BRMS1L: variants seen among roughly 807,000 people sequenced by gnomAD.
BRMS1L encodes BRMS1 like transcriptional repressor.
Under a neutral mutation model 50.3 loss-of-function variants are expected in BRMS1L, and 23 were observed. That is an observed-to-expected ratio of 0.46 (90% CI 0.33 to 0.65). The LOEUF is 0.65. Among genes scored for constraint, BRMS1L ranks in the 30% least tolerant of loss-of-function variants. BRMS1L has a pLI of 0.02. For missense variants in BRMS1L, 286 were observed against 386.1 expected (o/e 0.74, Z 2.17); for synonymous variants, 114 against 126.9 (o/e 0.90, Z 0.69).
intron 4 of BRMS1L, among the ~76,000 whole-genome samples, chr14:35,852,991 T>TATCTACCTATCTATCA (rs1727052782): frequency 1.1e-5 from 1 of 92,932 alleles, no homozygotes; most frequent in African/African-American, 5.2e-5. Context: ...TTTATATCTG[T>TATCTACCTATCTATCA]ATCTATCTAT....
intron 4 of BRMS1L, among the ~76,000 whole-genome samples, chr14:35,849,552 G>T (rs1415385667): frequency 6.6e-6 from 1 of 152,002 alleles, no homozygotes; most frequent in East Asian, 1.9e-4. Flanking sequence ...TCCCAGCTTG[G>T]TCTCTCAAAA....
At chr14:35,859,442 G>A (rs2078322241) in intron 4 of BRMS1L, among the ~76,000 whole-genome samples, 1 of 152,126 alleles carries the variant, frequency 6.6e-6, no homozygotes, top group South Asian at 2.1e-4. Context: ...TTATCTTCTA[G>A]CTTCCAGCGT....
intron 4 of BRMS1L, among the ~76,000 whole-genome samples, chr14:35,845,952 T>C (rs1341424299): frequency 6.6e-6 from 1 of 152,210 alleles, no homozygotes; most frequent in African/African-American, 2.4e-5. Flanking sequence ...CAATAAGTTG[T>C]AAGAAAGTAG....
chr14:35,836,071 A>G (rs562538974), intron 4 of BRMS1L, among the ~76,000 whole-genome samples: 17 of 152,276 alleles, frequency 1.1e-4, no homozygotes, highest in South Asian at 6.2e-4. Flanking sequence ...GAGATTGATT[A>G]TCTTTTTGGC....
chr14:35,832,505 CAAA>C (rs3058640), intron 2 of BRMS1L, among the ~76,000 whole-genome samples: 1 of 116,222 alleles, frequency 8.6e-6, no homozygotes. Flanking sequence ...GACTCCGTCT[CAAA>C]AAAAAAAAAA....
At chr14:35,827,683 C>T (rs1047834875) in intron 1 of BRMS1L, among the ~76,000 whole-genome samples, 3 of 152,194 alleles carry the variant, frequency 2.0e-5, no homozygotes, top group Non-Finnish European at 4.4e-5. Context: ...TAGTTATTAT[C>T]TGGGCTCACT....
At chr14:35,851,685 C>T (rs2078213360) in intron 4 of BRMS1L, among the ~76,000 whole-genome samples, 1 of 151,982 alleles carries the variant, frequency 6.6e-6, no homozygotes, top group Non-Finnish European at 1.5e-5. Context: ...GAATGGAAAC[C>T]CCTGTGTACT....
rs2078489077 is a variant in BRMS1L at position 35,871,344 on chromosome 14, T to G, written c.*867T>G. 1 of 152,660 alleles carries G rather than the reference T, an allele frequency of 6.6e-6. No individual in the cohort carries two copies. The highest frequency in any genetic ancestry group is 2.4e-5 in the African/African-American group (1 of 41,454). 9.5% of individuals were successfully genotyped at this position (152,660 alleles called of 1,614,324 possible). ...AGGTAAAACTGTGTCCTTATTCTAA[T>G]TTTATTCCTAGGGCAAAGTAGACAG... On this transcript the variant is annotated 3_prime_UTR_variant, in exon 10 of 10. Transcript: ENST00000216807.
chr14:35,856,746 G>A (rs2078285414), intron 4 of BRMS1L, among the ~76,000 whole-genome samples: 2 of 151,850 alleles, frequency 1.3e-5, no homozygotes, highest in Admixed American at 1.3e-4. Context: ...TGAGTAGCTG[G>A]GATTACAGCA....
intron 4 of BRMS1L, among the ~76,000 whole-genome samples, chr14:35,853,143 G>A (rs2078234725): frequency 1.3e-5 from 2 of 151,896 alleles, no homozygotes. Context: ...ACATTAAAAA[G>A]GGATTTAAAA....
At chr14:35,837,109 G>A (rs954752091) in intron 4 of BRMS1L, among the ~76,000 whole-genome samples, 7 of 152,108 alleles carry the variant, frequency 4.6e-5, no homozygotes, top group East Asian at 1.9e-4. Flanking sequence ...ACAAAAATTA[G>A]CTGGGTGTGG....
rs575086536 is a variant in BRMS1L, at chr14:35,851,423, A to G, written c.442-11167A>G. Among the ~76,000 whole-genome samples the G allele has an allele frequency of 1.3e-5, 2 of 151,902 alleles. 1 individual carries two copies. Among genetic ancestry groups the G allele is most frequent in the South Asian group, 4.2e-4 (2 of 4,804 alleles). ...AGGTGTAGATACTATGCTACTCTTT[A>G]AAAAAGAGGGATGGAAATATAAATG... On this transcript the variant is annotated intron_variant, in intron 4 of 9. Coordinates refer to ENST00000216807, the MANE Select transcript of BRMS1L (RefSeq NM_032352.4).
chr14:35,826,479 T>C lies in BRMS1L; in HGVS notation c.-38T>C, dbSNP rs1202721665. On this transcript the variant is annotated 5_prime_UTR_variant, in exon 1 of 10. Transcript: ENST00000216807. ...TTCATTGAAGCGGCGGTGGCCGGGC[T>C]GGGCGCCGGTAGTGGAAAGCGACGG... 3.6e-5 allele frequency: 56 copies of C among 1,555,942 alleles called. No homozygotes were observed. The highest frequency in any genetic ancestry group is 4.8e-5 in the Non-Finnish European group (55 of 1,150,044).
Position 35,868,005 on chromosome 14 carries a change from T to C in BRMS1L, c.827T>C (p.Ile276Thr). The C allele has an allele frequency of 1.2e-6, 2 of 1,603,620 alleles. No individual in the cohort carries two copies. Among genetic ancestry groups the C allele is most frequent in the Non-Finnish European group, 1.7e-6 (2 of 1,177,092 alleles). The stretch of plus-strand genomic sequence containing the variant: ...TATATACGTGGACAAACAATATGTA[T>C]TGATAAAAAAGATGAATGTCCTACA... Reference protein sequence around the residue: ...EWYIRGQTICIDKKDECPTSA... With the variant: ...EWYIRGQTICTDKKDECPTSA... Residue 276 changes from isoleucine (I) to threonine (T), a missense_variant, in exon 9 of 10, where the codon ATT (isoleucine) becomes ACT (threonine). This residue lies in a region of BRMS1L where 49 missense variants were observed against 39.1 expected (regional missense o/e 1.25). Transcript: ENST00000216807.
At chr14:35,865,992 G>A in intron 8 of BRMS1L, 1 of 454,116 alleles carries the variant, frequency 2.2e-6, no homozygotes, top group Non-Finnish European at 3.8e-6. Context: ...TGCTAATAAT[G>A]GATCAGTAAC....
At chr14:35,839,478 C>T (rs553586160) in intron 4 of BRMS1L, among the ~76,000 whole-genome samples, 55 of 152,222 alleles carry the variant, frequency 3.6e-4, no homozygotes, top group Non-Finnish European at 5.9e-4. Flanking sequence ...GCCATTTTCA[C>T]GATACTGATT....
intron 4 of BRMS1L, among the ~76,000 whole-genome samples, chr14:35,855,133 C>G (rs1293423601): frequency 6.6e-6 from 1 of 152,198 alleles, no homozygotes; most frequent in Non-Finnish European, 1.5e-5. Context: ...CCCAGATAGC[C>G]CTGAAAAGCA....
intron 4 of BRMS1L, among the ~76,000 whole-genome samples, chr14:35,851,763 A>G (rs1319701168): frequency 6.6e-6 from 1 of 152,256 alleles, no homozygotes; most frequent in Admixed American, 6.5e-5. Flanking sequence ...GAAAATTAAA[A>G]GTAGAACCAC....
Position 35,826,447 on chromosome 14 carries a change from C to T in BRMS1L, c.-70C>T, listed in dbSNP as rs899756945. 2.8e-4 allele frequency: 437 copies of T among 1,544,672 alleles called. 2 individuals are homozygous for T. The highest frequency in any genetic ancestry group is 1.3e-3 in the Middle Eastern group (7 of 5,202). ...TGGCTGGGTGGGTTGGGGCGTTCCG[C>T]GCGCCCTTCATTGAAGCGGCGGTGG... On this transcript the variant is annotated 5_prime_UTR_variant, in exon 1 of 10. Transcript: ENST00000216807.
Sources: allele counts gnomAD v4.1 joint callset (sites outside exome capture counted in the v4.1 genomes callset), GRCh38; gene constraint gnomAD v4.1.1; regional missense constraint gnomAD v4.1.1; transcripts MANE v1.5; gene names NCBI Gene and HGNC (gene_info 2026-07-23, HGNC 2026-07-21).